AGTR2: variants seen among roughly 807,000 people sequenced by gnomAD.
The protein encoded by AGTR2 is angiotensin II receptor type 2.
AGTR2 carries 15 observed loss-of-function variants against 14.2 expected under a neutral mutation model. That is an observed-to-expected ratio of 1.05 (90% CI 0.70 to 1.62). The LOEUF is 1.62. Ranked by LOEUF, AGTR2 falls within the 40% of genes most tolerant of loss-of-function variation. The probability of loss-of-function intolerance (pLI) is 0.00; values close to 1 mark genes in which losing one functional copy is unlikely to be tolerated. For synonymous variants in AGTR2, 101 were observed against 98.5 expected (o/e 1.03, Z -0.15); for missense variants, 274 against 273.1 (o/e 1.00, Z -0.02).
chrX:116,171,568 TATAA>T (rs1444570794), intron 2 of AGTR2, among the ~76,000 whole-genome samples: 3 of 111,107 alleles, frequency 2.7e-5, no homozygotes, highest in Admixed American at 9.7e-5. Context: ...GACTTAGAAA[TATAA>T]ATATATTTCA....
chrX:116,173,244 G>A lies in AGTR2; in HGVS notation c.964G>A (p.Gly322Arg). The change falls in exon 3 of 3, where the codon GGA (glycine) becomes AGA (arginine). Residue 322 changes from glycine to arginine, a missense_variant. Transcript: ENST00000371906. ...CVNPFLYCFV[G>R]NRFQQKLRSV... ...TAATCCGTTTCTGTATTGTTTTGTT[G>A]GAAACCGGTTCCAACAGAAGCTCCG... 1 of 1,211,069 alleles carries A rather than the reference G, an allele frequency of 8.3e-7. No individual in the cohort carries two copies.
Position 116,174,859 on chromosome X carries a change from T to C in AGTR2, c.*1487T>C, listed in dbSNP as rs1242722928. On this transcript the variant is annotated 3_prime_UTR_variant, in exon 3 of 3. Coordinates refer to ENST00000371906, the MANE Select transcript of AGTR2 (RefSeq NM_000686.5). ...TTTCTGGAAAAGTCCTAATTTCATG[T>C]AATCCTTTTATTTTCAATAAAAACA... The C allele has an allele frequency of 8.1e-6, 1 of 122,778 alleles. No individual in the cohort carries two copies. The highest frequency in any genetic ancestry group is 1.9e-5 in the Non-Finnish European group (1 of 53,112). 10.1% of individuals were successfully genotyped at this position (122,778 alleles called of 1,213,427 possible).
intron 2 of AGTR2, among the ~76,000 whole-genome samples, chrX:116,171,233 G>T (rs1204971616): frequency 2.2e-5 from 2 of 91,869 alleles, no homozygotes; most frequent in East Asian, 6.6e-4. Context: ...TTTAGCTAAT[G>T]TGTTTTTTTT....
In AGTR2 at chrX:116,172,766, T is replaced by C. The variant is rs1556673757; in HGVS notation, c.486T>C (p.Tyr162=). 16 of 1,209,155 alleles carry C rather than the reference T, an allele frequency of 1.3e-5. No homozygotes were observed. Among genetic ancestry groups the C allele is most frequent in the Non-Finnish European group, 1.8e-5 (16 of 894,759 alleles). The change falls in exon 3 of 3, where the codon TAT becomes TAC. Residue 162 remains tyrosine, a synonymous_variant. Transcript: ENST00000371906. ...GAAGAAATCCCTGGCAAGCATCTTA[T>C]ATAGTTCCCCTTGTTTGGTGTATGG... is the stretch of plus-strand genomic sequence containing the variant. ...SQRRNPWQAS[Y]IVPLVWCMAC...
chrX:116,173,268 C>G lies in AGTR2; in HGVS notation c.988C>G (p.Arg330Gly). 6 of 1,211,117 alleles carry G rather than the reference C, an allele frequency of 5.0e-6. No homozygotes were observed. The highest frequency in any genetic ancestry group is 6.7e-6 in the Non-Finnish European group (6 of 895,236). ...FVGNRFQQKL[R>G]SVFRVPITWL... ...TGGAAACCGGTTCCAACAGAAGCTC[C>G]GCAGTGTGTTTAGGGTTCCAATTAC... The change falls in exon 3 of 3, where the codon CGC becomes GGC. Residue 330 changes from arginine to glycine, a missense_variant. Coordinates refer to ENST00000371906, the MANE Select transcript of AGTR2 (RefSeq NM_000686.5).
At position 116,173,597 on chromosome X, in the gene AGTR2, TAG is replaced by T; in HGVS notation, c.*227_*228del. 4.9e-6 allele frequency: 2 copies of T among 406,743 alleles called. No individual in the cohort carries two copies. Among genetic ancestry groups the T allele is most frequent in the Non-Finnish European group, 8.6e-6 (2 of 233,364 alleles). 33.5% of individuals were successfully genotyped at this position (406,743 alleles called of 1,213,427 possible). A position where few individuals can be genotyped will look rare whatever the true frequency, so the allele number is the denominator to read the frequency against. ...TCATTAGTGAGACATATTTACAACC[TAG>T]AAGTAACTGGTGATATATCTCAAAT... On this transcript the variant is annotated 3_prime_UTR_variant, in exon 3 of 3. Transcript: ENST00000371906.
rs1922539567 is a variant in AGTR2 at position 116,173,545 on chromosome X, T to C, written c.*173T>C. 3.1e-6 allele frequency: 2 copies of C among 635,863 alleles called. No individual in the cohort carries two copies. Among genetic ancestry groups the C allele is most frequent in the South Asian group, 6.3e-5 (2 of 31,662 alleles). The allele number at this position is 635,863 out of a possible 1,213,427, so 52.4% of individuals were successfully genotyped here. On this transcript the variant is annotated 3_prime_UTR_variant, in exon 3 of 3. Transcript: ENST00000371906. Reference sequence around the variant, plus strand: ...AGTGACTTTCAGGAATTGCCCATTGTTTTTCTGATATGTTTGTACAAGATT... The same window carrying C: ...AGTGACTTTCAGGAATTGCCCATTGCTTTTCTGATATGTTTGTACAAGATT...
In AGTR2 at chrX:116,172,277, C is replaced by T. The variant is rs1556673657; in HGVS notation, c.-4C>T. On this transcript the variant is annotated 5_prime_UTR_variant, in exon 3 of 3. Coordinates refer to ENST00000371906, the MANE Select transcript of AGTR2 (RefSeq NM_000686.5). ...TAAGAACTAGGAGCTGCTGACATTT[C>T]AATATGAAGGGCAACTCCACCCTTG... 1.7e-6 allele frequency: 2 copies of T among 1,210,727 alleles called. No individual in the cohort carries two copies. The highest frequency in any genetic ancestry group is 3.0e-5 in the East Asian group (1 of 33,809).
At position 116,173,580 on chromosome X, in the gene AGTR2, G is replaced by C; in HGVS notation, c.*208G>C. On this transcript the variant is annotated 3_prime_UTR_variant, in exon 3 of 3. Transcript: ENST00000371906. ...ATGTTTGTACAAGATTGTCATTAGT[G>C]AGACATATTTACAACCTAGAAGTAA... is the stretch of plus-strand genomic sequence containing the variant. The C allele has an allele frequency of 2.1e-6, 1 of 466,219 alleles. No individual in the cohort carries two copies. The highest frequency in any genetic ancestry group is 3.8e-5 in the South Asian group (1 of 26,057). The allele number at this position is 466,219 out of a possible 1,213,427, so 38.4% of individuals were successfully genotyped here.
At chrX:116,172,207 C>G in intron 2 of AGTR2, 39 bp from the exon 3 acceptor site, 1 of 1,146,845 alleles carries the variant, frequency 8.7e-7, no homozygotes, top group Non-Finnish European at 1.2e-6. Context: ...GTCCTCAGCT[C>G]TGTATGTGTT....
chrX:116,171,916 T>A (rs1233627286), intron 2 of AGTR2, among the ~76,000 whole-genome samples: 2 of 111,845 alleles, frequency 1.8e-5, no homozygotes, highest in African/African-American at 6.5e-5. Flanking sequence ...GGTTTCTTAT[T>A]TGTTTCACAC....
rs1922531640 is a variant in AGTR2 at position 116,173,335 on chromosome X, G to A, written c.1055G>A (p.Ser352Asn). The A allele has an allele frequency of 8.3e-7, 1 of 1,211,502 alleles. No homozygotes were observed. The highest frequency in any genetic ancestry group is 1.1e-6 in the Non-Finnish European group (1 of 895,277). ...GKRESMSCRKSSSLREMETFV... is the reference protein window; with the variant it reads ...GKRESMSCRKNSSLREMETFV... ...AGAGAGAGTATGTCTTGCCGGAAAA[G>A]CAGTTCTCTTAGAGAAATGGAGACC... is the stretch of plus-strand genomic sequence containing the variant. Residue 352 changes from serine (S) to asparagine (N), a missense_variant, in exon 3 of 3, where the codon AGC (serine) becomes AAC (asparagine). Transcript: ENST00000371906.
At position 116,173,086 on chromosome X, in the gene AGTR2, G is replaced by A; in HGVS notation, c.806G>A (p.Trp269Ter). The A allele has an allele frequency of 8.3e-7, 1 of 1,210,564 alleles. No individual in the cohort carries two copies. The highest frequency in any genetic ancestry group is 1.7e-5 in the African/African-American group (1 of 57,740). ...GTTGTTCTGGCCTTCATCATTTGCT[G>A]GCTTCCCTTCCATGTTCTGACCTTC... ...AAVVLAFIIC[W>*]LPFHVLTFLD... The change falls in exon 3 of 3, where the codon TGG becomes TAG. Residue 269 changes from tryptophan to a stop codon, truncating the protein, a stop_gained. Transcript: ENST00000371906. LOFTEE classifies it high-confidence loss of function.
At position 116,172,877 on chromosome X, in the gene AGTR2, C is replaced by T; in HGVS notation, c.597C>T (p.Phe199=). 8.3e-7 allele frequency: 1 copy of T among 1,211,402 alleles called. No homozygotes were observed. Among genetic ancestry groups the T allele is most frequent in the Non-Finnish European group, 1.1e-6 (1 of 895,362 alleles). The change falls in exon 3 of 3, where the codon TTC becomes TTT. Residue 199 remains phenylalanine (F), a synonymous_variant. Coordinates refer to ENST00000371906, the MANE Select transcript of AGTR2 (RefSeq NM_000686.5). ...YLGVNACIMA[F]PPEKYAQWSA... is the part of the protein sequence containing the mutation. ...GAGTGAATGCTTGCATTATGGCTTT[C>T]CCACCTGAGAAATATGCCCAATGGT... is the stretch of plus-strand genomic sequence containing the variant.
At chrX:116,172,148 C>CA in intron 2 of AGTR2, 98 bp from the exon 3 acceptor site, 1 of 762,775 alleles carries the variant, frequency 1.3e-6, no homozygotes, top group Non-Finnish European at 1.9e-6. Context: ...TAATCACTCA[C>CA]TTTTTTTTTG....
rs782765985 is a variant in AGTR2 at position 116,172,301 on chromosome X, T to G, written c.21T>G (p.Leu7=). Residue 7 remains leucine (L), a synonymous_variant, in exon 3 of 3, where the codon CTT becomes CTG. Coordinates refer to ENST00000371906, the MANE Select transcript of AGTR2 (RefSeq NM_000686.5). ...TCAATATGAAGGGCAACTCCACCCTTGCCACTACTAGCAAAAACATTACCA... is the reference window on the plus strand; with the variant it reads ...TCAATATGAAGGGCAACTCCACCCTGGCCACTACTAGCAAAAACATTACCA... MKGNST[L]ATTSKNITSG... The G allele has an allele frequency of 1.7e-6, 2 of 1,211,237 alleles. No individual in the cohort carries two copies.
rs935760504 is a variant in AGTR2 at position 116,171,027 on chromosome X, A to G, written c.-36A>G. ...ATAACTGCTTTAAACTTCAACAACCAGTAAGTCTTCAAGTGGAATTTATTA... is the reference window on the plus strand; with the variant it reads ...ATAACTGCTTTAAACTTCAACAACCGGTAAGTCTTCAAGTGGAATTTATTA... On this transcript the variant is annotated splice_region_variant and 5_prime_UTR_variant, in exon 2 of 3. Coordinates refer to ENST00000371906, the MANE Select transcript of AGTR2 (RefSeq NM_000686.5). 4.5e-5 allele frequency: 5 copies of G among 111,426 alleles called. No individual in the cohort carries two copies. Among genetic ancestry groups the G allele is most frequent in the Non-Finnish European group, 3.8e-5 (2 of 53,012 alleles). The allele number at this position is 111,426 out of a possible 1,213,427, so 9.2% of individuals were successfully genotyped here.
Position 116,173,948 on chromosome X carries a change from G to A in AGTR2, c.*576G>A. On this transcript the variant is annotated 3_prime_UTR_variant, in exon 3 of 3. Transcript: ENST00000371906. ...TAATCTATAACTACATATTGAATAG[G>A]GCTAGGAATATAGATTAAATCATAC... 1 of 125,598 alleles carries A rather than the reference G, an allele frequency of 8.0e-6. No individual in the cohort carries two copies. 10.4% of individuals were successfully genotyped at this position (125,598 alleles called of 1,213,427 possible). A position where few individuals can be genotyped will look rare whatever the true frequency, so the allele number is the denominator to read the frequency against.
Position 116,173,251 on chromosome X carries a change from G to C in AGTR2, c.971G>C (p.Arg324Pro), listed in dbSNP as rs35474657. Residue 324 changes from arginine (R) to proline (P), a missense_variant, in exon 3 of 3, where the codon CGG (arginine) becomes CCG (proline). Physicochemically the swap from Arg to Pro is moderately radical, Grantham distance 103. Transcript: ENST00000371906. ...NPFLYCFVGN[R>P]FQQKLRSVFR... ...TTTCTGTATTGTTTTGTTGGAAACCGGTTCCAACAGAAGCTCCGCAGTGTG... is the reference window on the plus strand; with the variant it reads ...TTTCTGTATTGTTTTGTTGGAAACCCGTTCCAACAGAAGCTCCGCAGTGTG... The C allele has an allele frequency of 8.3e-7, 1 of 1,211,328 alleles. No individual in the cohort carries two copies. Among genetic ancestry groups the C allele is most frequent in the Non-Finnish European group, 1.1e-6 (1 of 895,305 alleles).
Sources: allele counts gnomAD v4.1 joint callset (sites outside exome capture counted in the v4.1 genomes callset), GRCh38; gene constraint gnomAD v4.1.1; transcripts MANE v1.5; gene names NCBI Gene and HGNC (gene_info 2026-07-23, HGNC 2026-07-21).